The following SIGIRR variants were observed in gnomAD, a reference collection of about 807,000 sequenced individuals.
SIGIRR encodes the protein single Ig IL-1-related receptor.
In SIGIRR, 41 loss-of-function variants were observed where a neutral mutation model predicts 45.6. That is an observed-to-expected ratio of 0.90 (90% CI 0.70 to 1.17). The LOEUF (loss-of-function observed/expected upper bound fraction) is 1.17, where lower values mean the gene tolerates loss of function less well. SIGIRR is among the 50% of genes most tolerant of loss of function. The probability of loss-of-function intolerance (pLI) is 0.00; values close to 1 mark genes in which losing one functional copy is unlikely to be tolerated. For missense variants in SIGIRR, 599 were observed against 539.6 expected (o/e 1.11, Z -1.09); for synonymous variants, 298 against 239.0 (o/e 1.25, Z -2.28).
intron 4 of SIGIRR, 35 bp downstream of exon 4, chr11:408,038 C>G (rs777335477): frequency 1.9e-6 from 3 of 1,611,370 alleles, no homozygotes; most frequent in Non-Finnish European, 2.5e-6. Flanking sequence ...GGTCTAGGTC[C>G]CCTTCTACCC....
chr11:408,590 G>T, intron 3 of SIGIRR, 105 bp downstream of exon 3: 2 of 1,343,268 alleles, frequency 1.5e-6, no homozygotes, highest in South Asian at 1.2e-5. Flanking sequence ...CTCTGCTCGT[G>T]ACATGTCTGG....
intron 1 of SIGIRR, among the ~76,000 whole-genome samples, chr11:412,367 A>G (rs531081082): frequency 2.5e-4 from 5 of 20,274 alleles, no homozygotes; most frequent in Admixed American, 5.9e-4. Context: ...GCAGTCGGGG[A>G]GGGGGGTGCC....
chr11:412,759 T>A (rs1195447534), intron 1 of SIGIRR, among the ~76,000 whole-genome samples: 1 of 151,306 alleles, frequency 6.6e-6, no homozygotes, highest in African/African-American at 2.4e-5. Flanking sequence ...CCACGTCTGG[T>A]TACAGTCAGG....
At chr11:407,381 C>T in intron 6 of SIGIRR, 44 bp downstream of exon 6, 1 of 1,260,406 alleles carries the variant, frequency 7.9e-7, no homozygotes. Context: ...CGGGGCGGGG[C>T]GGGCCCTCCG....
At chr11:410,625 G>GA (rs1847555430) in intron 1 of SIGIRR, among the ~76,000 whole-genome samples, 2 of 62,754 alleles carry the variant, frequency 3.2e-5, no homozygotes, top group Non-Finnish European at 7.1e-5. Flanking sequence ...CAGTCGGGGG[G>GA]GGGGGGTGCC....
chr11:409,322 G>A (rs118065023), intron 2 of SIGIRR: 9,368 of 331,988 alleles, frequency 0.028, 210 homozygotes, highest in Middle Eastern at 0.054. Flanking sequence ...CAGAGAGTGT[G>A]GGCACCAGTG....
rs1847320936 is a variant in SIGIRR, at chr11:406,664, CG to C, written c.880-127del. 3.5e-6 allele frequency: 5 copies of C among 1,417,772 alleles called. No homozygotes were observed. The South Asian group carries it at 7.3e-5, about 21-fold the overall frequency. The allele number at this position is 1,417,772 out of a possible 1,614,324, so 87.8% of individuals were successfully genotyped here. A position where few individuals can be genotyped will look rare whatever the true frequency, so the allele number is the denominator to read the frequency against. ...CCCTGCGACAGCTATTCCGTGGCTC[CG>C]GGGGCCTCAAGGGCGGCTCCCCGCA... On this transcript the variant is annotated intron_variant, in intron 8 of 9. Coordinates refer to ENST00000431843, the MANE Select transcript of SIGIRR (RefSeq NM_001135054.2).
rs1361121245 is a variant in SIGIRR at position 408,197 on chromosome 11, G to A, written c.216C>T (p.Ala72=). 1 of 1,612,550 alleles carries A rather than the reference G, an allele frequency of 6.2e-7. No homozygotes were observed. Among genetic ancestry groups the A allele is most frequent in the South Asian group, 1.1e-5 (1 of 91,082 alleles). The part of the protein sequence containing the change: ...YSLHEYSWVK[A]NLSEVLVSSV... ...TGGACACAAGCACCTCTGACAGGTTGGCCTTGACCCTGGGGATACCAAGCC... is the reference window on the plus strand; with the variant it reads ...TGGACACAAGCACCTCTGACAGGTTAGCCTTGACCCTGGGGATACCAAGCC... The change falls in exon 4 of 10, where the codon GCC becomes GCT. Residue 72 remains alanine, a synonymous_variant. Coordinates refer to ENST00000431843, the MANE Select transcript of SIGIRR (RefSeq NM_001135054.2).
In SIGIRR at chr11:407,405, CGG is replaced by C; in HGVS notation, c.625+18_625+19del. On this transcript the variant is annotated intron_variant, in intron 6 of 9. Transcript: ENST00000431843. ...GCGGGCCCTCCGGGTGGGCGGGGCA[CGG>C]GGTGGGGCCCGGGATACCAGCGCGC... 1 of 936,090 alleles carries C rather than the reference CGG, an allele frequency of 1.1e-6. No individual in the cohort carries two copies. 58.0% of individuals were successfully genotyped at this position (936,090 alleles called of 1,614,324 possible). A position where few individuals can be genotyped will look rare whatever the true frequency, so the allele number is the denominator to read the frequency against.
intron 5 of SIGIRR, 101 bp downstream of exon 5, chr11:407,716 G>C: frequency 6.4e-7 from 1 of 1,573,246 alleles, no homozygotes; most frequent in Non-Finnish European, 8.6e-7. Context: ...GCACCCGGGG[G>C]CTAACCCCTC....
At chr11:407,796 G>A in intron 5 of SIGIRR, 21 bp downstream of exon 5, 1 of 1,611,826 alleles carries the variant, frequency 6.2e-7, no homozygotes, top group Non-Finnish European at 8.5e-7. Context: ...CCCTCCTCGC[G>A]CCCACGCGGG....
Position 407,803 on chromosome 11 carries a change from C to T in SIGIRR, c.481+14G>A, listed in dbSNP as rs2133623362. 3 of 1,612,238 alleles carry T rather than the reference C, an allele frequency of 1.9e-6. No individual in the cohort carries two copies. Among genetic ancestry groups the T allele is most frequent in the East Asian group, 2.2e-5 (1 of 44,866 alleles). Reference sequence around the variant, plus strand: ...GTGGCGACCCCTCCTCGCGCCCACGCGGGCCCCACGCACCGTTTATCTCCA... The same window carrying T: ...GTGGCGACCCCTCCTCGCGCCCACGTGGGCCCCACGCACCGTTTATCTCCA... On this transcript the variant is annotated intron_variant, in intron 5 of 9. Transcript: ENST00000431843.
rs544450549 is a variant in SIGIRR, at chr11:414,870, G to A, written c.-201C>T. On this transcript the variant is annotated 5_prime_UTR_variant, in exon 1 of 10. Transcript: ENST00000431843. ...GGGGGCAAATGTTGGTCATTGGTGC[G>A]CCTTTGGGAGCAAACTCTCCCCTTC... 2.6e-5 allele frequency: 26 copies of A among 985,524 alleles called. No individual in the cohort carries two copies. Among genetic ancestry groups the A allele is most frequent in the Middle Eastern group, 5.2e-4 (1 of 1,914 alleles). 61.0% of individuals were successfully genotyped at this position (985,524 alleles called of 1,614,324 possible). A position where few individuals can be genotyped will look rare whatever the true frequency, so the allele number is the denominator to read the frequency against.
rs111584718 is a variant in SIGIRR at position 409,886 on chromosome 11, G to A, written c.-12C>T. On this transcript the variant is annotated 5_prime_UTR_variant, in exon 2 of 10. Coordinates refer to ENST00000431843, the MANE Select transcript of SIGIRR (RefSeq NM_001135054.2). ...TGCCTACCTGGCATGGCTCTGAGCC[G>A]GGGCCTCCTCGGGGCAGGCTGGGCT... The A allele has an allele frequency of 1.3e-3, 1,765 of 1,321,966 alleles. 21 individuals are homozygous for A. In the African/African-American group the frequency reaches 0.024, roughly 18 times the overall value. 81.9% of individuals were successfully genotyped at this position (1,321,966 alleles called of 1,614,324 possible). A position where few individuals can be genotyped will look rare whatever the true frequency, so the allele number is the denominator to read the frequency against.
chr11:406,566 G>C (rs1367693386), intron 8 of SIGIRR, 28 bp from the exon 9 acceptor site: 26 of 1,586,762 alleles, frequency 1.6e-5, no homozygotes, highest in East Asian at 4.5e-5. Flanking sequence ...GCGGTTTGCA[G>C]GTGTGAACAC....
At chr11:406,261 G>T in intron 9 of SIGIRR, 88 bp downstream of exon 9, 1 of 1,551,860 alleles carries the variant, frequency 6.4e-7, no homozygotes, top group Non-Finnish European at 8.7e-7. Flanking sequence ...AACACCTGGA[G>T]CCCCTCCAGG....
chr11:410,174 C>CTCTTTT, intron 1 of SIGIRR, 147 bp from the exon 2 acceptor site: 1 of 680,034 alleles, frequency 1.5e-6, no homozygotes, highest in Non-Finnish European at 2.1e-6. Context: ...AGCAGGGTGT[C>CTCTTTT]TCTTTGAGCC....
In SIGIRR at chr11:407,114, CG is replaced by C; in HGVS notation, c.675del (p.Ile225MetfsTer9). ...CTCAGGAAGGCGTCCGAAAGCACCA[CG>C]ATGAGGCGTCGGCAGCGGCTCAGGT... The part of the protein sequence containing the change: ...LVNLSRCRRL[I>X]VVLSDAFLSR... On this transcript the variant is annotated frameshift_variant, in exon 7 of 10. Transcript: ENST00000431843. LOFTEE classifies it high-confidence loss of function. 15 of 1,543,290 alleles carry C rather than the reference CG, an allele frequency of 9.7e-6. No individual in the cohort carries two copies. Among genetic ancestry groups the C allele is most frequent in the Admixed American group, 9.4e-5 (5 of 52,912 alleles).
chr11:415,218 G>A (rs1433884235), upstream of SIGIRR, among the ~76,000 whole-genome samples: 7 of 5,926 alleles, frequency 1.2e-3, no homozygotes, highest in African/African-American at 6.7e-3. The surrounding 1 kb of genome is among the most constrained non-coding windows in gnomAD (Gnocchi z 6.6). Flanking sequence ...GTGTGTGTGT[G>A]TGTGTGTGTG....
Sources: gnomAD v4.1 joint callset for allele counts (sites outside exome capture counted in the v4.1 genomes callset) on GRCh38, gnomAD v4.1.1 for gene constraint, Gnocchi (gnomAD v3.1) non-coding constraint, MANE v1.5 for transcripts, NCBI Gene and HGNC (gene_info 2026-07-23, HGNC 2026-07-21) for gene names.